The following GDPD5 variants were observed in gnomAD, a reference collection of about 807,000 sequenced individuals.
GDPD5 encodes glycerophosphodiester phosphodiesterase domain containing 5.
Under a neutral mutation model 75.1 loss-of-function variants are expected in GDPD5, and 48 were observed. The observed-to-expected ratio is 0.64, with a 90% confidence interval of 0.51 to 0.81. GDPD5 has a LOEUF of 0.81. Ranked by LOEUF, GDPD5 falls within the 40% of genes least tolerant of loss-of-function variation. The pLI, the probability that GDPD5 is intolerant of heterozygous loss-of-function variation, is 0.00. For synonymous variants in GDPD5, 336 were observed against 339.0 expected, an observed-to-expected ratio of 0.99 and a Z score of 0.10; for missense variants, 706 against 822.6, an observed-to-expected ratio of 0.86 and a Z score of 1.73.
intron 4 of GDPD5, among the ~76,000 whole-genome samples, chr11:75,462,094 TAGG>T (rs1565195179): frequency 6.6e-6 from 1 of 151,834 alleles, no homozygotes; most frequent in Non-Finnish European, 1.5e-5. Flanking sequence ...CTAAGGGAGT[TAGG>T]AGGCCTAGGA....
intron 1 of GDPD5, among the ~76,000 whole-genome samples, chr11:75,521,616 A>G (rs1941458234): frequency 6.6e-6 from 1 of 152,200 alleles, no homozygotes; most frequent in South Asian, 2.1e-4. Flanking sequence ...AAACTGCAAA[A>G]TGTTATGGAT....
rs1207748956 is a variant in GDPD5, at chr11:75,448,673, C to A, written c.714+304G>T. The A allele has an allele frequency of 9.9e-6, 11 of 1,108,162 alleles. 1 individual carries two copies. Among genetic ancestry groups the A allele is most frequent in the Non-Finnish European group, 1.2e-5 (11 of 912,026 alleles). 68.6% of individuals were successfully genotyped at this position (1,108,162 alleles called of 1,614,324 possible). Reference sequence around the variant, plus strand: ...GCCTGGTGGCAGACCCCAGGCCCCACACTCAGCATCCATCTCCTGGGCCTT... The same window carrying A: ...GCCTGGTGGCAGACCCCAGGCCCCAAACTCAGCATCCATCTCCTGGGCCTT... On this transcript the variant is annotated intron_variant, in intron 9 of 16. Coordinates refer to ENST00000336898, the MANE Select transcript of GDPD5 (RefSeq NM_030792.8).
intron 2 of GDPD5, among the ~76,000 whole-genome samples, chr11:75,481,603 C>T (rs1385050562): frequency 6.6e-6 from 1 of 152,044 alleles, no homozygotes; most frequent in Non-Finnish European, 1.5e-5. Flanking sequence ...GTGCTCTCAG[C>T]TTTACTATAC....
intron 4 of GDPD5, among the ~76,000 whole-genome samples, chr11:75,461,726 T>G (rs1949417791): frequency 6.6e-6 from 1 of 152,184 alleles, no homozygotes; most frequent in African/African-American, 2.4e-5. Flanking sequence ...AAGGAGAGGC[T>G]TAGAGAGCAC....
chr11:75,455,821 C>T (rs1192022907), intron 6 of GDPD5, among the ~76,000 whole-genome samples: 2 of 152,204 alleles, frequency 1.3e-5, no homozygotes, highest in Non-Finnish European at 2.9e-5. Flanking sequence ...CAGCACTATG[C>T]CTGCAATGGA....
intron 9 of GDPD5, among the ~76,000 whole-genome samples, chr11:75,447,234 G>A (rs1949008085): frequency 6.6e-6 from 1 of 152,314 alleles, no homozygotes; most frequent in Non-Finnish European, 1.5e-5. Flanking sequence ...AACCAGATGC[G>A]TGCTGTGGAC....
At chr11:75,509,902 A>G (rs916500137) in intron 1 of GDPD5, among the ~76,000 whole-genome samples, 3 of 152,034 alleles carry the variant, frequency 2.0e-5, no homozygotes, top group African/African-American at 7.2e-5. Flanking sequence ...CTGGTCTCGA[A>G]CTCCTGACCT....
At chr11:75,487,993 C>T (rs1950047018) in intron 2 of GDPD5, among the ~76,000 whole-genome samples, 1 of 152,228 alleles carries the variant, frequency 6.6e-6, no homozygotes, top group African/African-American at 2.4e-5. Context: ...AGTCACAAAA[C>T]ATCAGCACCA....
chr11:75,473,453 A>G (rs1000081678), intron 3 of GDPD5, among the ~76,000 whole-genome samples: 6 of 151,894 alleles, frequency 4.0e-5, no homozygotes, highest in Non-Finnish European at 7.4e-5. Context: ...CAGTCCGTTG[A>G]TACCTTCTAG....
At position 75,442,530 on chromosome 11, in the gene GDPD5, C is replaced by T. The variant is rs1424773566; in HGVS notation, c.1000G>A (p.Ala334Thr). ...SSLSPSDHRE[A>T]QNQSICSLAE... ...AGGCTGCAGATGGACTGGTTCTGGG[C>T]CTCTCTGTGGTCGGAGGGTGACAGG... The change falls in exon 12 of 17, where the codon GCC (alanine) becomes ACC (threonine). Residue 334 changes from alanine (A) to threonine (T), a missense_variant. Physicochemically the swap from Ala to Thr is moderately conservative, Grantham distance 58. Transcript: ENST00000336898. 6.2e-7 allele frequency: 1 copy of T among 1,614,144 alleles called. No homozygotes were observed. The highest frequency in any genetic ancestry group is 8.5e-7 in the Non-Finnish European group (1 of 1,180,036).
chr11:75,476,658 G>A (rs981939885), intron 3 of GDPD5, among the ~76,000 whole-genome samples: 32 of 152,256 alleles, frequency 2.1e-4, no homozygotes, highest in Non-Finnish European at 2.9e-4. Context: ...CTCTGTGGCC[G>A]GGAGTGGGGA....
chr11:75,498,390 A>G (rs1281416982), intron 1 of GDPD5, among the ~76,000 whole-genome samples: 3 of 152,178 alleles, frequency 2.0e-5, no homozygotes, highest in Non-Finnish European at 4.4e-5. Context: ...TAGGAAGAAA[A>G]GCCAAATTCA....
chr11:75,452,531 C>G (rs1287943848), intron 6 of GDPD5, among the ~76,000 whole-genome samples: 1 of 152,220 alleles, frequency 6.6e-6, no homozygotes, highest in Admixed American at 6.5e-5. Context: ...TGAAAGGTGC[C>G]TGACACATGT....
chr11:75,478,172 CAG>C (rs1382636956), intron 2 of GDPD5, among the ~76,000 whole-genome samples: 3 of 152,200 alleles, frequency 2.0e-5, no homozygotes, highest in East Asian at 1.9e-4. Context: ...CTTTTTGAGA[CAG>C]AGTCTTGCTC....
chr11:75,486,200 C>G (rs889830005), intron 2 of GDPD5, among the ~76,000 whole-genome samples: 2 of 152,156 alleles, frequency 1.3e-5, no homozygotes, highest in Non-Finnish European at 2.9e-5. Context: ...GGGGGCTGCT[C>G]GAGGAAAAGG....
At chr11:75,514,389 G>A (rs1197053094) in intron 1 of GDPD5, among the ~76,000 whole-genome samples, 1 of 152,234 alleles carries the variant, frequency 6.6e-6, no homozygotes, top group Non-Finnish European at 1.5e-5. Context: ...GCAGGCCCAC[G>A]GTGGCCCGAA....
intron 12 of GDPD5, 86 bp from the exon 13 acceptor site, chr11:75,441,889 A>G: frequency 1.5e-6 from 2 of 1,344,970 alleles, no homozygotes; most frequent in Non-Finnish European, 2.0e-6. Flanking sequence ...CTGTGGGGTT[A>G]AGAGACAGGA....
At chr11:75,440,096 G>A (rs1948745732) in intron 14 of GDPD5, 135 bp from the exon 15 acceptor site, 1 of 644,988 alleles carries the variant, frequency 1.6e-6, no homozygotes, top group Non-Finnish European at 2.7e-6. Context: ...GAGGGTCTGG[G>A]GGCTGAAGAT....
At chr11:75,476,575 G>A (rs995894761) in intron 3 of GDPD5, among the ~76,000 whole-genome samples, 52 of 152,126 alleles carry the variant, frequency 3.4e-4, no homozygotes, top group Middle Eastern at 3.2e-3. Context: ...TAGTATTGGC[G>A]TTGCCAGGGG....
Sources: allele counts gnomAD v4.1 joint callset (sites outside exome capture counted in the v4.1 genomes callset), GRCh38; gene constraint gnomAD v4.1.1; transcripts MANE v1.5; gene names NCBI Gene and HGNC (gene_info 2026-07-23, HGNC 2026-07-21).